Variants in NSL1 observed in about 807,000 individuals in gnomAD.
NSL1 encodes the protein NSL1 component of MIS12 kinetochore complex.
A neutral mutation model predicts 25.4 loss-of-function variants in NSL1; 11 were observed. That is an observed-to-expected ratio of 0.43 (90% CI 0.27 to 0.72). The LOEUF (loss-of-function observed/expected upper bound fraction) is 0.72, where lower values mean the gene tolerates loss of function less well. Among genes scored for constraint, NSL1 ranks in the 30% least tolerant of loss-of-function variants. The pLI is 0.19. For missense variants in NSL1, 330 were observed against 342.7 expected (o/e 0.96, Z 0.29); for synonymous variants, 118 against 120.6 (o/e 0.98, Z 0.14).
chr1:212,745,160 CTATATAT>C lies in NSL1; in HGVS notation c.500-5566_500-5560del, dbSNP rs1271273449. 1.4e-3 allele frequency among the ~76,000 whole-genome samples: 167 copies of C among 117,640 alleles called. 2 individuals are homozygous for C. Among genetic ancestry groups the C allele is most frequent in the Middle Eastern group, 8.3e-3 (2 of 242 alleles). The allele number at this position is 117,640 out of a possible 152,430, so 77.2% of individuals were successfully genotyped here. A position where few individuals can be genotyped will look rare whatever the true frequency, so the allele number is the denominator to read the frequency against. ...CAAAACAAACAAACAAACAAACAAA[CTATATAT>C]ATATATATATATATATATATATATA... On this transcript the variant is annotated intron_variant, in intron 4 of 5. Coordinates refer to ENST00000366977, the MANE Select transcript of NSL1 (RefSeq NM_015471.4).
chr1:212,761,399 A>C (rs902832979), intron 4 of NSL1, among the ~76,000 whole-genome samples: 2 of 152,152 alleles, frequency 1.3e-5, no homozygotes, highest in African/African-American at 4.8e-5. Flanking sequence ...AAATTACAAA[A>C]AATTATTAGG....
chr1:212,771,235 A>C (rs760710552), intron 4 of NSL1, among the ~76,000 whole-genome samples: 2 of 152,184 alleles, frequency 1.3e-5, no homozygotes. Flanking sequence ...AATCACTTGA[A>C]TCTGGGAGGC....
rs139030099 is a variant in NSL1 at position 212,738,677 on chromosome 1, C to T, written c.577G>A (p.Ala193Thr). 225 of 1,611,728 alleles carry T rather than the reference C, an allele frequency of 1.4e-4. No individual in the cohort carries two copies. The highest frequency in any genetic ancestry group is 1.8e-4 in the Non-Finnish European group (217 of 1,178,840). ...EISEAMKSLP[A>T]LIEQGEGFSQ... ...AATCCCTCTCCTTGTTCAATTAATG[C>T]AGGCAAGGACTTCAAACAAACAAAC... Residue 193 changes from alanine (A) to threonine (T), a missense_variant, in exon 6 of 6, where the codon GCA becomes ACA. Physicochemically the swap from Ala to Thr is moderately conservative, Grantham distance 58. Coordinates refer to ENST00000366977, the MANE Select transcript of NSL1 (RefSeq NM_015471.4).
Position 212,743,999 on chromosome 1 carries a change from C to G in NSL1, c.500-4398G>C, listed in dbSNP as rs1459389950. On this transcript the variant is annotated intron_variant, in intron 4 of 5. Coordinates refer to ENST00000366977, the MANE Select transcript of NSL1 (RefSeq NM_015471.4). ...CCTTTATTTCACCTGATTTGGAACT[C>G]TCTCAGGGTGGAAAAGTGGTTACCT... is the stretch of plus-strand genomic sequence containing the variant. 3.3e-5 allele frequency among the ~76,000 whole-genome samples: 5 copies of G among 152,128 alleles called. No individual in the cohort carries two copies. The East Asian group carries it at 9.6e-4, about 29-fold the overall frequency.
intron 4 of NSL1, among the ~76,000 whole-genome samples, chr1:212,763,381 A>T (rs1158332351): frequency 2.0e-5 from 3 of 152,224 alleles, no homozygotes; most frequent in African/African-American, 7.2e-5. Flanking sequence ...AGAATGAAAA[A>T]AAAACAAAGT....
chr1:212,743,032 C>T (rs186206250), intron 4 of NSL1, among the ~76,000 whole-genome samples: 208 of 152,258 alleles, frequency 1.4e-3, no homozygotes, highest in African/African-American at 3.9e-3. Context: ...TAATTAAAAT[C>T]CCTTTTAATT....
At chr1:212,786,989 C>T (rs1298023018) in intron 2 of NSL1, among the ~76,000 whole-genome samples, 1 of 151,722 alleles carries the variant, frequency 6.6e-6, no homozygotes, top group South Asian at 2.1e-4. Context: ...ATGATGAAAC[C>T]CTGTCCTCTA....
In NSL1 at chr1:212,732,097, C is replaced by G; in HGVS notation, c.*6311G>C. ...TTATTATGGCTATATAAATATTGTT[C>G]ACTGGAGAACTAATTTGTAACCATG... is the stretch of plus-strand genomic sequence containing the variant. On this transcript the variant is annotated 3_prime_UTR_variant, in exon 6 of 6. Transcript: ENST00000366977. 2 of 974,222 alleles carry G rather than the reference C, an allele frequency of 2.1e-6. No individual in the cohort carries two copies. Among genetic ancestry groups the G allele is most frequent in the Non-Finnish European group, 2.4e-6 (2 of 823,478 alleles). The allele number at this position is 974,222 out of a possible 1,614,324, so 60.3% of individuals were successfully genotyped here.
intron 5 of NSL1, 45 bp downstream of exon 5, chr1:212,739,489 A>C (rs1348569879): frequency 6.3e-7 from 1 of 1,576,258 alleles, no homozygotes; most frequent in Non-Finnish European, 8.7e-7. Flanking sequence ...ATACCTAGCC[A>C]TACATTTTGT....
chr1:212,783,900 C>T (rs1411981521), intron 3 of NSL1, among the ~76,000 whole-genome samples: 6 of 151,960 alleles, frequency 3.9e-5, no homozygotes, highest in Admixed American at 3.9e-4. Flanking sequence ...CAAATTACAC[C>T]CAATTCATAA....
chr1:212,751,964 C>T (rs970913169), intron 4 of NSL1, among the ~76,000 whole-genome samples: 13 of 152,174 alleles, frequency 8.5e-5, no homozygotes, highest in African/African-American at 3.1e-4. Flanking sequence ...ATGCAGATGG[C>T]TGGTCCATGC....
chr1:212,787,509 A>C (rs1176728565), intron 2 of NSL1, 50 bp downstream of exon 2: 2 of 1,369,660 alleles, frequency 1.5e-6, no homozygotes, highest in East Asian at 4.7e-5. Context: ...AAACAAAATT[A>C]GCTGCAAAAA....
intron 4 of NSL1, among the ~76,000 whole-genome samples, chr1:212,750,192 G>C (rs767980092): frequency 6.6e-6 from 1 of 151,786 alleles, no homozygotes; most frequent in Non-Finnish European, 1.5e-5. Flanking sequence ...CTATGATAGA[G>C]GGTGCCATGG....
chr1:212,735,963 T>A lies in NSL1; in HGVS notation c.*2445A>T. The A allele has an allele frequency of 1.0e-6, 1 of 985,318 alleles. No homozygotes were observed. The highest frequency in any genetic ancestry group is 1.2e-6 in the Non-Finnish European group (1 of 829,850). The allele number at this position is 985,318 out of a possible 1,614,324, so 61.0% of individuals were successfully genotyped here. A position where few individuals can be genotyped will look rare whatever the true frequency, so the allele number is the denominator to read the frequency against. On this transcript the variant is annotated 3_prime_UTR_variant, in exon 6 of 6. Coordinates refer to ENST00000366977, the MANE Select transcript of NSL1 (RefSeq NM_015471.4). ...AGTAGCCTAAATAAACAAATGTAGA[T>A]TTTGGTACCAGTTTTCAGAAACCAG... is the stretch of plus-strand genomic sequence containing the variant.
At chr1:212,790,269 C>T (rs1386780100) in intron 1 of NSL1, among the ~76,000 whole-genome samples, 2 of 152,074 alleles carry the variant, frequency 1.3e-5, no homozygotes, top group African/African-American at 2.4e-5. Flanking sequence ...CCTCGTGATC[C>T]GCCCGCCTCG....
In NSL1 at chr1:212,735,745, C is replaced by A. The variant is rs1317845041; in HGVS notation, c.*2663G>T. On this transcript the variant is annotated 3_prime_UTR_variant, in exon 6 of 6. Coordinates refer to ENST00000366977, the MANE Select transcript of NSL1 (RefSeq NM_015471.4). ...AGACACCAGAGAGCTTGCACTCTGT[C>A]CCTCTCTCCACATGCATGCACTGAG... is the stretch of plus-strand genomic sequence containing the variant. Among the ~76,000 whole-genome samples, 1 of 152,118 alleles carries A rather than the reference C, an allele frequency of 6.6e-6. No homozygotes were observed. The highest frequency in any genetic ancestry group is 1.5e-5 in the Non-Finnish European group (1 of 68,022).
In NSL1 at chr1:212,737,269, G is replaced by A; in HGVS notation, c.*1139C>T. 1.0e-6 allele frequency: 1 copy of A among 985,300 alleles called. No individual in the cohort carries two copies. The highest frequency in any genetic ancestry group is 4.7e-5 in the South Asian group (1 of 21,288). The allele number at this position is 985,300 out of a possible 1,614,324, so 61.0% of individuals were successfully genotyped here. On this transcript the variant is annotated 3_prime_UTR_variant, in exon 6 of 6. Transcript: ENST00000366977. ...AAAATGCAACAAAGTGGCTTTATAA[G>A]TTTTCTTCACTGAGACAGACCTTCT...
chr1:212,736,239 T>C lies in NSL1; in HGVS notation c.*2169A>G, dbSNP rs759241831. 5 of 717,450 alleles carry C rather than the reference T, an allele frequency of 7.0e-6. No individual in the cohort carries two copies. The highest frequency in any genetic ancestry group is 6.3e-5 in the Admixed American group (1 of 15,894). 44.4% of individuals were successfully genotyped at this position (717,450 alleles called of 1,614,324 possible). A position where few individuals can be genotyped will look rare whatever the true frequency, so the allele number is the denominator to read the frequency against. ...TTTTTGTAGAAATGGAGTTTCACTA[T>C]GTTGCCCAGGCTGGGCTCAAGTAAT... is the stretch of plus-strand genomic sequence containing the variant. On this transcript the variant is annotated 3_prime_UTR_variant, in exon 6 of 6. Transcript: ENST00000366977.
In NSL1 at chr1:212,728,807, G is replaced by A. The variant is rs929474444; in HGVS notation, c.*9601C>T. The A allele has an allele frequency of 8.3e-5, 82 of 985,322 alleles. No individual in the cohort carries two copies. In the African/African-American group the frequency reaches 8.7e-4, roughly 10 times the overall value. The allele number at this position is 985,322 out of a possible 1,614,324, so 61.0% of individuals were successfully genotyped here. A position where few individuals can be genotyped will look rare whatever the true frequency, so the allele number is the denominator to read the frequency against. ...TCTGTTTTTCCTCTCACTCTGACTC[G>A]AGGAGGGCCCTCAGCGCAGAGAAAA... On this transcript the variant is annotated 3_prime_UTR_variant, in exon 6 of 6. Transcript: ENST00000366977.
Sources: gnomAD v4.1 joint callset for allele counts (sites outside exome capture counted in the v4.1 genomes callset) on GRCh38, gnomAD v4.1.1 for gene constraint, MANE v1.5 for transcripts, NCBI Gene and HGNC (gene_info 2026-07-23, HGNC 2026-07-21) for gene names.